DGKB: variants seen among roughly 807,000 people sequenced by gnomAD.
DGKB encodes 90 kDa diacylglycerol kinase.
In DGKB, 67 loss-of-function variants were observed where a neutral mutation model predicts 114.3. That is an observed-to-expected ratio of 0.59 (90% CI 0.48 to 0.72). The LOEUF (loss-of-function observed/expected upper bound fraction) is 0.72. DGKB is among the 30% of genes least tolerant of loss of function. The probability of loss-of-function intolerance (pLI) is 0.00; values close to 1 mark genes in which losing one functional copy is unlikely to be tolerated. For synonymous variants in DGKB, 398 were observed against 323.1 expected (o/e 1.23, Z -2.49); for missense variants, 907 against 975.2 (o/e 0.93, Z 0.93).
intron 23 of DGKB, among the ~76,000 whole-genome samples, chr7:14,213,201 T>C (rs1788418117): frequency 6.6e-6 from 1 of 152,130 alleles, no homozygotes; most frequent in Non-Finnish European, 1.5e-5. Flanking sequence ...ATTTGATTCA[T>C]TTTAATTAAT....
chr7:14,233,575 T>C (rs1463020170), intron 23 of DGKB, among the ~76,000 whole-genome samples: 1 of 151,954 alleles, frequency 6.6e-6, no homozygotes, highest in African/African-American at 2.4e-5. Flanking sequence ...TGAAGGAAGG[T>C]TGATAAAGCA....
intron 21 of DGKB, among the ~76,000 whole-genome samples, chr7:14,408,766 GCATGGGTCTA>G (rs1168126588): frequency 1.3e-5 from 2 of 151,996 alleles, no homozygotes; most frequent in African/African-American, 4.8e-5. Flanking sequence ...AGGTTGAACT[GCATGGGTCTA>G]CTTGTACGTG....
chr7:14,176,659 G>T (rs1781782644), intron 25 of DGKB, 180 bp downstream of exon 25: 4 of 1,375,110 alleles, frequency 2.9e-6, no homozygotes, highest in Non-Finnish European at 2.8e-6. Flanking sequence ...ATTGCCAAGG[G>T]TATATAATGT....
intron 20 of DGKB, among the ~76,000 whole-genome samples, chr7:14,564,220 T>C (rs576629346): frequency 1.3e-5 from 2 of 152,276 alleles, no homozygotes; most frequent in South Asian, 4.1e-4. Flanking sequence ...GCTGAAGCCA[T>C]TAGTGTTCCA....
chr7:14,191,640 T>C (rs1270103383), intron 23 of DGKB: 2 of 286,068 alleles, frequency 7.0e-6, no homozygotes, highest in Admixed American at 4.1e-5. Context: ...GAAAAGTCTG[T>C]TGAAATGCAC....
chr7:14,718,753 G>A, intron 5 of DGKB, 68 bp from the exon 6 acceptor site: 2 of 1,171,210 alleles, frequency 1.7e-6, no homozygotes, highest in Non-Finnish European at 2.4e-6. Context: ...AACAAATTAA[G>A]AAAATAGAGA....
At chr7:14,955,936 A>T (rs924170436) in intron 1 of DGKB, among the ~76,000 whole-genome samples, 1 of 151,980 alleles carries the variant, frequency 6.6e-6, no homozygotes, top group African/African-American at 2.4e-5. Flanking sequence ...GAACTACTAG[A>T]ATGACATTGA....
At chr7:14,507,492 T>C (rs1391305829) in intron 20 of DGKB, among the ~76,000 whole-genome samples, 2 of 152,218 alleles carry the variant, frequency 1.3e-5, no homozygotes, top group Non-Finnish European at 2.9e-5. Context: ...TAATTAAATA[T>C]GTCAAACCAT....
intron 1 of DGKB, among the ~76,000 whole-genome samples, chr7:14,885,999 A>C (rs1368205650): frequency 1.3e-5 from 2 of 151,954 alleles, no homozygotes; most frequent in Non-Finnish European, 2.9e-5. Flanking sequence ...AGAACATGGG[A>C]AAATCAAAAC....
At chr7:14,381,137 T>C (rs1819404918) in intron 21 of DGKB, among the ~76,000 whole-genome samples, 1 of 152,206 alleles carries the variant, frequency 6.6e-6, no homozygotes, top group Admixed American at 6.5e-5. Context: ...CTGCCATCTC[T>C]AGGTGAGAAA....
intron 23 of DGKB, among the ~76,000 whole-genome samples, chr7:14,207,889 A>C (rs1372841933): frequency 6.6e-6 from 1 of 151,928 alleles, no homozygotes; most frequent in African/African-American, 2.4e-5. Flanking sequence ...AAAATGAATA[A>C]TCCCCAAAAT....
intron 21 of DGKB, among the ~76,000 whole-genome samples, chr7:14,355,873 T>A (rs1459402065): frequency 6.6e-6 from 1 of 152,234 alleles, no homozygotes; most frequent in African/African-American, 2.4e-5. Context: ...TCCTCGTACC[T>A]CTGGTAGAAT....
intron 21 of DGKB, among the ~76,000 whole-genome samples, chr7:14,471,946 C>A (rs1317505734): frequency 4.6e-5 from 7 of 152,072 alleles, no homozygotes. Context: ...GACCAGGGGG[C>A]TGAGAACCTA....
chr7:14,296,038 A>AT (rs67910544), intron 23 of DGKB, among the ~76,000 whole-genome samples: 97,330 of 141,424 alleles, frequency 0.69, 33,732 homozygotes, highest in South Asian at 0.79. Flanking sequence ...TCATGAACTC[A>AT]TTTTTTTTTT....
intron 20 of DGKB, among the ~76,000 whole-genome samples, chr7:14,486,034 T>C (rs1251991524): frequency 2.0e-5 from 3 of 152,210 alleles, no homozygotes; most frequent in Non-Finnish European, 4.4e-5. Context: ...AAGTTATTAA[T>C]CTCAAACTTT....
intron 21 of DGKB, among the ~76,000 whole-genome samples, chr7:14,355,705 C>A (rs184963866): frequency 6.6e-6 from 1 of 152,112 alleles, no homozygotes; most frequent in African/African-American, 2.4e-5. Flanking sequence ...ACTTTTGCAT[C>A]GATCTTCATC....
At chr7:14,682,516 G>T in intron 12 of DGKB, 37 bp downstream of exon 12, 1 of 1,392,744 alleles carries the variant, frequency 7.2e-7, no homozygotes, top group Non-Finnish European at 1.0e-6. Flanking sequence ...CTTCAGTGTG[G>T]GTGAATGCTG....
At chr7:14,951,156 A>G (rs914039149) in intron 1 of DGKB, among the ~76,000 whole-genome samples, 3 of 151,992 alleles carry the variant, frequency 2.0e-5, no homozygotes, top group African/African-American at 7.2e-5. Flanking sequence ...CTTAATAGTG[A>G]TAAGACTAAA....
intron 2 of DGKB, among the ~76,000 whole-genome samples, chr7:14,767,356 A>G (rs1418314744): frequency 6.6e-6 from 1 of 151,844 alleles, no homozygotes; most frequent in Non-Finnish European, 1.5e-5. Context: ...AGTGCTGCTT[A>G]ATTACCATTC....
Sources: gnomAD v4.1 joint callset for allele counts (sites outside exome capture counted in the v4.1 genomes callset) on GRCh38, gnomAD v4.1.1 for gene constraint, MANE v1.5 for transcripts, NCBI Gene and HGNC (gene_info 2026-07-23, HGNC 2026-07-21) for gene names.